The following DPYD variants were observed in gnomAD, a reference collection of about 807,000 sequenced individuals.
The protein encoded by DPYD is dihydropyrimidine dehydrogenase.
A neutral mutation model predicts 116.2 loss-of-function variants in DPYD; 109 were observed. That is an observed-to-expected ratio of 0.94 (90% CI 0.80 to 1.10). DPYD has a LOEUF of 1.10. Ranked by LOEUF, DPYD falls within the 50% of genes least tolerant of loss-of-function variation. The probability of loss-of-function intolerance (pLI) is 0.00; values close to 1 mark genes in which losing one functional copy is unlikely to be tolerated. For synonymous variants in DPYD, 440 were observed against 432.0 expected (o/e 1.02, Z -0.23); for missense variants, 1,302 against 1,254.5 (o/e 1.04, Z -0.57).
chr1:97,348,702 G>A (rs2101301553), intron 16 of DPYD, among the ~76,000 whole-genome samples: 2 of 152,252 alleles, frequency 1.3e-5, no homozygotes, highest in South Asian at 2.1e-4. Flanking sequence ...AAGGTAATGT[G>A]AGGGAAATGA....
At chr1:97,306,118 C>A in intron 17 of DPYD, 59 bp downstream of exon 17, 1 of 1,609,646 alleles carries the variant, frequency 6.2e-7, no homozygotes, top group South Asian at 1.1e-5. Context: ...TTGAGTATGG[C>A]TACATAATGT....
chr1:97,637,430 T>G, intron 8 of DPYD, among the ~76,000 whole-genome samples: 1 of 152,084 alleles, frequency 6.6e-6, no homozygotes, highest in East Asian at 1.9e-4. Context: ...TTCCTTCTGA[T>G]AATATCTTTT....
intron 20 of DPYD, among the ~76,000 whole-genome samples, chr1:97,162,211 G>C (rs1023659697): frequency 3.3e-5 from 5 of 152,060 alleles, no homozygotes; most frequent in Admixed American, 1.3e-4. Flanking sequence ...GTTCCTATTT[G>C]TCCACATCCT....
rs186342286 is a variant in DPYD, at chr1:97,553,654, T to C, written c.1340-3910A>G. ...TGTTAAATGAATATTAATAGAAGGA[T>C]TGTATTATTCCTTTCTTGTTTATAA... On this transcript the variant is annotated intron_variant, in intron 11 of 22. Coordinates refer to ENST00000370192, the MANE Select transcript of DPYD (RefSeq NM_000110.4). Among the ~76,000 whole-genome samples, 271 of 152,168 alleles carry C rather than the reference T, an allele frequency of 1.8e-3. 1 individual carries two copies. The highest frequency in any genetic ancestry group is 9.6e-4 in the Non-Finnish European group (65 of 67,964).
chr1:97,901,829 T>C (rs1015322890), intron 1 of DPYD, among the ~76,000 whole-genome samples: 6 of 151,848 alleles, frequency 4.0e-5, no homozygotes, highest in Admixed American at 3.3e-4. Context: ...GATTTTTCTT[T>C]AATTGTAAAA....
chr1:97,400,116 A>C (rs1035165522), intron 14 of DPYD, among the ~76,000 whole-genome samples: 3 of 152,158 alleles, frequency 2.0e-5, no homozygotes, highest in East Asian at 1.9e-4. Flanking sequence ...ATTTTGAGAT[A>C]TATCCCATCA....
chr1:97,309,681 T>A (rs61786358), intron 16 of DPYD, among the ~76,000 whole-genome samples: 3 of 151,488 alleles, frequency 2.0e-5, no homozygotes, highest in African/African-American at 7.3e-5. Flanking sequence ...ACTAATCTTA[T>A]CGGGAATAGA....
chr1:97,597,252 C>A (rs973297446), intron 8 of DPYD, among the ~76,000 whole-genome samples: 3 of 152,178 alleles, frequency 2.0e-5, no homozygotes, highest in African/African-American at 7.2e-5. Flanking sequence ...CCCCAGGTCA[C>A]ACATAGGGCC....
intron 16 of DPYD, among the ~76,000 whole-genome samples, chr1:97,371,044 T>C (rs1671285979): frequency 6.6e-6 from 1 of 152,146 alleles, no homozygotes; most frequent in African/African-American, 2.4e-5. Context: ...TAATCACTTA[T>C]TTTATATAGA....
At chr1:97,679,470 C>T (rs1660323168) in intron 7 of DPYD, among the ~76,000 whole-genome samples, 1 of 152,088 alleles carries the variant, frequency 6.6e-6, no homozygotes, top group African/African-American at 2.4e-5. Flanking sequence ...CGATGTGGGG[C>T]ATTTAAATAA....
intron 9 of DPYD, among the ~76,000 whole-genome samples, chr1:97,593,969 G>T (rs1479729269): frequency 1.3e-5 from 2 of 151,864 alleles, no homozygotes; most frequent in African/African-American, 4.8e-5. Flanking sequence ...CTTTCCTCTG[G>T]TTTTGTTTGT....
chr1:97,470,896 A>G (rs1043998394), intron 13 of DPYD, among the ~76,000 whole-genome samples: 1 of 152,134 alleles, frequency 6.6e-6, no homozygotes, highest in African/African-American at 2.4e-5. Context: ...GGGCTGAGGC[A>G]GGAGAATAGC....
chr1:97,599,509 G>C (rs1655114437), intron 8 of DPYD, among the ~76,000 whole-genome samples: 1 of 152,058 alleles, frequency 6.6e-6, no homozygotes, highest in Non-Finnish European at 1.5e-5. Flanking sequence ...ATGTTTGCTT[G>C]TGTTACTTCA....
At chr1:97,096,374 A>C (rs1057086766) in intron 21 of DPYD, among the ~76,000 whole-genome samples, 11 of 152,154 alleles carry the variant, frequency 7.2e-5, no homozygotes, top group Non-Finnish European at 4.4e-5. Context: ...AATATAAATA[A>C]TATCTTCCTT....
At chr1:97,734,953 C>A (rs569117643) in intron 4 of DPYD, among the ~76,000 whole-genome samples, 1 of 152,230 alleles carries the variant, frequency 6.6e-6, no homozygotes, top group African/African-American at 2.4e-5. Flanking sequence ...TGGAACTGCA[C>A]AGAAACTTTT....
At chr1:97,795,407 A>G (rs1000616188) in intron 3 of DPYD, among the ~76,000 whole-genome samples, 2 of 152,068 alleles carry the variant, frequency 1.3e-5, no homozygotes, top group African/African-American at 2.4e-5. Context: ...AAATAAATAC[A>G]TAATTAACTA....
chr1:97,208,818 G>A (rs540661290), intron 19 of DPYD, among the ~76,000 whole-genome samples: 290 of 152,202 alleles, frequency 1.9e-3, no homozygotes, highest in Non-Finnish European at 3.1e-3. Flanking sequence ...AGGACCAAAT[G>A]AGATAAGAAT....
chr1:97,388,125 A>G (rs1054580631), intron 14 of DPYD, among the ~76,000 whole-genome samples: 6 of 152,088 alleles, frequency 3.9e-5, no homozygotes, highest in African/African-American at 1.2e-4. Flanking sequence ...ATTCAGAGAG[A>G]CATAGAGAAA....
chr1:97,343,173 T>A (rs1359077327), intron 16 of DPYD, among the ~76,000 whole-genome samples: 1 of 152,156 alleles, frequency 6.6e-6, no homozygotes, highest in Non-Finnish European at 1.5e-5. Context: ...TGTTTGAATG[T>A]GACAGATCAG....
Sources: gnomAD v4.1 joint callset for allele counts (sites outside exome capture counted in the v4.1 genomes callset) on GRCh38, gnomAD v4.1.1 for gene constraint, MANE v1.5 for transcripts, NCBI Gene and HGNC (gene_info 2026-07-23, HGNC 2026-07-21) for gene names.